Variants in SCAPER observed in about 807,000 individuals in gnomAD.
SCAPER encodes S phase cyclin A-associated protein in the endoplasmic reticulum.
SCAPER carries 98 observed loss-of-function variants against 182.2 expected under a neutral mutation model. The observed-to-expected ratio is 0.54, with a 90% confidence interval of 0.46 to 0.64. The LOEUF (loss-of-function observed/expected upper bound fraction) is 0.64, where lower values mean the gene tolerates loss of function less well. Among genes scored for constraint, SCAPER ranks in the 30% least tolerant of loss-of-function variants. SCAPER has a pLI of 0.00. For synonymous variants in SCAPER, 605 were observed against 564.6 expected (o/e 1.07, Z -1.01); for missense variants, 1,432 against 1,690.0 (o/e 0.85, Z 2.68).
At chr15:76,763,785 TC>T (rs1342293591) in intron 14 of SCAPER, among the ~76,000 whole-genome samples, 1 of 152,228 alleles carries the variant, frequency 6.6e-6, no homozygotes, top group Non-Finnish European at 1.5e-5. Flanking sequence ...AGTGTATTCT[TC>T]ACCTCTAGAA....
chr15:76,739,786 G>A (rs775973521), intron 15 of SCAPER, among the ~76,000 whole-genome samples: 4 of 152,128 alleles, frequency 2.6e-5, no homozygotes, highest in Admixed American at 6.5e-5. Flanking sequence ...GTGAGCTAAG[G>A]AAACAAACAG....
At chr15:76,594,171 G>A (rs1455176699) in intron 22 of SCAPER, among the ~76,000 whole-genome samples, 2 of 119,356 alleles carry the variant, frequency 1.7e-5, no homozygotes, top group African/African-American at 5.1e-5. Context: ...CGAGAACTTC[G>A]TGAAGCATAC....
chr15:76,448,117 C>T (rs1388479876), intron 25 of SCAPER, among the ~76,000 whole-genome samples: 1 of 151,970 alleles, frequency 6.6e-6, no homozygotes, highest in East Asian at 1.9e-4. Context: ...TCACACAGGC[C>T]CTGCTATACT....
intron 20 of SCAPER, among the ~76,000 whole-genome samples, chr15:76,667,690 C>G (rs2056710962): frequency 7.8e-6 from 1 of 128,992 alleles, no homozygotes; most frequent in Non-Finnish European, 1.6e-5. Context: ...AGCAGCTCAA[C>G]ACCTGTAATC....
At chr15:76,693,377 A>G (rs1460038668) in intron 20 of SCAPER, among the ~76,000 whole-genome samples, 1 of 152,208 alleles carries the variant, frequency 6.6e-6, no homozygotes, top group Non-Finnish European at 1.5e-5. Context: ...ATCCTTGTAC[A>G]TTGCTGGTAG....
At chr15:76,821,446 C>G (rs905795952) in intron 5 of SCAPER, among the ~76,000 whole-genome samples, 5 of 151,952 alleles carry the variant, frequency 3.3e-5, no homozygotes, top group African/African-American at 1.2e-4. Flanking sequence ...TGGCAAAACT[C>G]CATCTCTACA....
chr15:76,589,470 A>G (rs1417536386), intron 22 of SCAPER, among the ~76,000 whole-genome samples: 5 of 152,194 alleles, frequency 3.3e-5, no homozygotes, highest in Admixed American at 6.5e-5. Context: ...AGTGGGGAAA[A>G]GCTGACAGCC....
Position 76,388,997 on chromosome 15 carries a change from C to T in SCAPER, c.3468-7382G>A, listed in dbSNP as rs547167208. Among the ~76,000 whole-genome samples, 57 of 151,996 alleles carry T rather than the reference C, an allele frequency of 3.8e-4. 1 individual carries two copies. Among genetic ancestry groups the T allele is most frequent in the African/African-American group, 1.4e-3 (56 of 41,448 alleles). ...TTACAGTCAGTCTCTGTCACAGACA[C>T]ACACACATACAGCACACCCTCCCTC... On this transcript the variant is annotated intron_variant, in intron 27 of 31. Coordinates refer to ENST00000563290, the MANE Select transcript of SCAPER (RefSeq NM_020843.4).
intron 19 of SCAPER, among the ~76,000 whole-genome samples, chr15:76,702,573 G>A (rs956458098): frequency 3.9e-5 from 6 of 151,918 alleles, no homozygotes; most frequent in East Asian, 3.9e-4. Flanking sequence ...TCAGCCTCCC[G>A]AGTACCTGGG....
At chr15:76,559,213 T>A (rs377394762) in intron 23 of SCAPER, among the ~76,000 whole-genome samples, 33,789 of 146,340 alleles carry the variant, frequency 0.23, 4,739 homozygotes, top group Admixed American at 0.36. Flanking sequence ...TTTTTTTTTT[T>A]TTTTTTTTTT....
intron 17 of SCAPER, among the ~76,000 whole-genome samples, chr15:76,708,683 G>C (rs1466225058): frequency 6.6e-6 from 1 of 152,078 alleles, no homozygotes; most frequent in Non-Finnish European, 1.5e-5. Context: ...TGAAACCAAA[G>C]GTTAGTTCTT....
intron 5 of SCAPER, among the ~76,000 whole-genome samples, chr15:76,805,018 G>T (rs1320916480): frequency 5.3e-5 from 8 of 152,014 alleles, no homozygotes; most frequent in Admixed American, 3.9e-4. Context: ...AGACCAACCT[G>T]GGCAAGATAA....
chr15:76,693,460 T>C (rs1259182797), intron 20 of SCAPER, among the ~76,000 whole-genome samples: 4 of 152,156 alleles, frequency 2.6e-5, no homozygotes, highest in Non-Finnish European at 5.9e-5. Context: ...AATCATCATA[T>C]GATCCAGAAA....
chr15:76,769,172 G>A (rs1568070788), intron 10 of SCAPER, among the ~76,000 whole-genome samples: 2 of 152,092 alleles, frequency 1.3e-5, no homozygotes, highest in African/African-American at 4.8e-5. Flanking sequence ...GGCCAGGCGT[G>A]GTGGCTCACA....
chr15:76,391,094 C>T (rs751861292), intron 27 of SCAPER, among the ~76,000 whole-genome samples: 12 of 152,150 alleles, frequency 7.9e-5, no homozygotes, highest in Non-Finnish European at 1.8e-4. Flanking sequence ...TCAACTTCTA[C>T]CACTTTCTTT....
intron 10 of SCAPER, among the ~76,000 whole-genome samples, chr15:76,771,293 G>C (rs1315808403): frequency 6.6e-6 from 1 of 151,984 alleles, no homozygotes; most frequent in East Asian, 1.9e-4. Context: ...AGAGATTCTG[G>C]AATAGGGATG....
chr15:76,745,440 C>T (rs1412450614), intron 15 of SCAPER, among the ~76,000 whole-genome samples: 1 of 152,032 alleles, frequency 6.6e-6, no homozygotes, highest in Non-Finnish European at 1.5e-5. Context: ...CAGAGTGAGA[C>T]TCCATCTCAA....
intron 20 of SCAPER, among the ~76,000 whole-genome samples, chr15:76,689,100 A>T (rs563080734): frequency 6.6e-6 from 1 of 151,976 alleles, no homozygotes; most frequent in South Asian, 2.1e-4. Flanking sequence ...CGCCCGCCTC[A>T]GCCTTTCAAA....
At chr15:76,639,580 C>G (rs148282620) in intron 21 of SCAPER, among the ~76,000 whole-genome samples, 1 of 152,256 alleles carries the variant, frequency 6.6e-6, no homozygotes, top group Non-Finnish European at 1.5e-5. Context: ...TTGATTTACA[C>G]TACTATTTAC....
Sources: gnomAD v4.1 joint callset for allele counts (sites outside exome capture counted in the v4.1 genomes callset) on GRCh38, gnomAD v4.1.1 for gene constraint, MANE v1.5 for transcripts, NCBI Gene and HGNC (gene_info 2026-07-23, HGNC 2026-07-21) for gene names.